The following SLC28A3 variants were observed in gnomAD, a reference collection of about 807,000 sequenced individuals.
SLC28A3 encodes solute carrier family 28 member 3.
In SLC28A3, 68 loss-of-function variants were observed where a neutral mutation model predicts 84.2. The ratio of observed to expected loss-of-function variants is 0.81; its 90% confidence interval spans 0.66 to 0.99. The LOEUF is 0.99. Among genes scored for constraint, SLC28A3 ranks in the 50% least tolerant of loss-of-function variants. The pLI is 0.00. For missense variants in SLC28A3, 712 were observed against 841.5 expected, an observed-to-expected ratio of 0.85 and a Z score of 1.90; for synonymous variants, 267 against 303.6, an observed-to-expected ratio of 0.88 and a Z score of 1.25.
At chr9:84,310,738 T>C (rs1004607201) in intron 2 of SLC28A3, among the ~76,000 whole-genome samples, 2 of 152,124 alleles carry the variant, frequency 1.3e-5, no homozygotes, top group Non-Finnish European at 2.9e-5. Flanking sequence ...ACAAGGAAGG[T>C]GTGAGGATAA....
chr9:84,278,325 CA>C lies in SLC28A3; in HGVS notation c.1968del (p.Gly657ValfsTer14). 1.9e-6 allele frequency: 3 copies of C among 1,614,058 alleles called. No homozygotes were observed. The highest frequency in any genetic ancestry group is 2.5e-6 in the Non-Finnish European group (3 of 1,179,982). ...TGGTTTCCTCCTGGGATGACTTCACCAGGACCCTTGGCAACAGTGCTGGTGG... is the reference window on the plus strand; with the variant it reads ...TGGTTTCCTCCTGGGATGACTTCACCGGACCCTTGGCAACAGTGCTGGTGG... Reference protein sequence around the residue: ...SLLSSTVAKGPGEVIPGGNHS... With the variant: ...SLLSSTVAKGXGEVIPGGNHS... On this transcript the variant is annotated frameshift_variant, in exon 18 of 18. Transcript: ENST00000376238. LOFTEE classifies it high-confidence loss of function.
intron 3 of SLC28A3, among the ~76,000 whole-genome samples, chr9:84,309,198 C>T (rs1179329033): frequency 1.3e-5 from 2 of 151,862 alleles, no homozygotes; most frequent in Admixed American, 1.3e-4. Flanking sequence ...TGGGTGGTGA[C>T]AATCTCTAAT....
At position 84,296,604 on chromosome 9, in the gene SLC28A3, G is replaced by A. The variant is rs142218203; in HGVS notation, c.861+617C>T. Among the ~76,000 whole-genome samples the A allele has an allele frequency of 6.0e-3, 918 of 152,334 alleles. 4 individuals are homozygous for A. Among genetic ancestry groups the A allele is most frequent in the Non-Finnish European group, 9.6e-3 (652 of 68,034 alleles). ...TGGGGCATGTGGGAGCCTCAAGAAG[G>A]AACTGACTGTGGCCAGCCATGGGGC... On this transcript the variant is annotated intron_variant, in intron 8 of 17. Transcript: ENST00000376238.
chr9:84,348,338 A>C, the SLC28A3 span, among the ~76,000 whole-genome samples: 128 of 127,756 alleles, frequency 1.0e-3, no homozygotes, highest in African/African-American at 3.8e-3. Flanking sequence ...TGAGTGACGG[A>C]GCAAGACTCC....
At chr9:84,283,533 A>G (rs1261419313) in intron 14 of SLC28A3, among the ~76,000 whole-genome samples, 4 of 152,270 alleles carry the variant, frequency 2.6e-5, no homozygotes, top group African/African-American at 9.6e-5. Context: ...CAGGGAGAAG[A>G]GGTCCAGAGA....
intron 14 of SLC28A3, among the ~76,000 whole-genome samples, chr9:84,282,785 T>C (rs529438872): frequency 6.6e-6 from 1 of 152,294 alleles, no homozygotes; most frequent in East Asian, 1.9e-4. Flanking sequence ...CAAAACCCTA[T>C]GATTTTGTTC....
chr9:84,335,108 C>A (rs1165335476), intron 1 of SLC28A3, among the ~76,000 whole-genome samples: 1 of 152,188 alleles, frequency 6.6e-6, no homozygotes, highest in Admixed American at 6.5e-5. Context: ...CTTCTGAGCT[C>A]CAGGTGAACG....
upstream of SLC28A3, among the ~76,000 whole-genome samples, chr9:84,342,633 G>A (rs1405977759): frequency 1.3e-5 from 2 of 149,130 alleles, no homozygotes; most frequent in African/African-American, 5.0e-5. Flanking sequence ...GCCCAGACTT[G>A]TCTTGAACTC....
chr9:84,290,389 G>T, intron 10 of SLC28A3, 110 bp from the exon 11 acceptor site: 1 of 1,363,290 alleles, frequency 7.3e-7, no homozygotes, highest in East Asian at 2.4e-5. Context: ...GTTTCTAAGA[G>T]TGAACCTCAG....
rs372301648 is a variant in SLC28A3 at position 84,286,057 on chromosome 9, G to A, written c.1335C>T (p.Ser445=). The A allele has an allele frequency of 1.2e-6, 2 of 1,614,096 alleles. No individual in the cohort carries two copies. Residue 445 remains serine (S), a synonymous_variant, in exon 13 of 18, where the codon TCC becomes TCT. Transcript: ENST00000376238. ...AATQGASSSI[S]LVANIAVNLI... ...GATTCACAGCGATGTTGGCCACCAG[G>A]GAGATGGAGGAGGATGCTCCCTGTG...
At chr9:84,309,546 A>AAT in intron 3 of SLC28A3, 83 bp downstream of exon 3, 1 of 827,972 alleles carries the variant, frequency 1.2e-6, no homozygotes, top group Non-Finnish European at 1.8e-6. Context: ...AAAAAAAAAA[A>AAT]AAGAAATCAA....
the SLC28A3 span, among the ~76,000 whole-genome samples, chr9:84,358,200 C>T: frequency 6.6e-6 from 1 of 152,270 alleles, no homozygotes; most frequent in East Asian, 1.9e-4. Context: ...AGCCAGCAAA[C>T]GAGGCATGGG....
At chr9:84,299,225 G>A (rs1451090133) in intron 6 of SLC28A3, among the ~76,000 whole-genome samples, 1 of 152,202 alleles carries the variant, frequency 6.6e-6, no homozygotes, top group Non-Finnish European at 1.5e-5. Flanking sequence ...TCGATGAACT[G>A]CAGGATCCAA....
rs1160565236 is a variant in SLC28A3 at position 84,276,771 on chromosome 9, C to CCAA, written c.*1444_*1446dup. ...CAAAAAACAAAACACACAAAAAACC[C>CCAA]CAACTATTTTCACATAGCTTTTTCT... On this transcript the variant is annotated 3_prime_UTR_variant, in exon 18 of 18. Transcript: ENST00000376238. The CCAA allele has an allele frequency of 6.6e-6, 1 of 152,208 alleles. No homozygotes were observed. Among genetic ancestry groups the CCAA allele is most frequent in the Non-Finnish European group, 1.5e-5 (1 of 68,040 alleles). The allele number at this position is 152,208 out of a possible 1,614,324, so 9.4% of individuals were successfully genotyped here.
At chr9:84,346,879 A>G in the SLC28A3 span, among the ~76,000 whole-genome samples, 1 of 152,140 alleles carries the variant, frequency 6.6e-6, no homozygotes, top group Non-Finnish European at 1.5e-5. Flanking sequence ...CACTTTAGTG[A>G]GAATCTTGGG....
At chr9:84,353,716 C>G in the SLC28A3 span, among the ~76,000 whole-genome samples, 1 of 152,048 alleles carries the variant, frequency 6.6e-6, no homozygotes, top group Admixed American at 6.6e-5. Flanking sequence ...TCTCCAAAAA[C>G]AAAAATTATA....
At chr9:84,332,797 C>G (rs907773637) in intron 1 of SLC28A3, among the ~76,000 whole-genome samples, 6 of 152,112 alleles carry the variant, frequency 3.9e-5, no homozygotes, top group African/African-American at 1.4e-4. Flanking sequence ...GAAAGAGAAG[C>G]AACGTTTCCT....
chr9:84,326,464 T>C (rs1451514013), intron 1 of SLC28A3, among the ~76,000 whole-genome samples: 4 of 152,192 alleles, frequency 2.6e-5, no homozygotes, highest in African/African-American at 4.8e-5. Context: ...AGAGCATTTT[T>C]CTGAAACCTC....
intron 5 of SLC28A3, 101 bp from the exon 6 acceptor site, chr9:84,299,826 TC>T: frequency 7.4e-7 from 1 of 1,348,220 alleles, no homozygotes; most frequent in Non-Finnish European, 9.9e-7. Flanking sequence ...GGAGTCTTGC[TC>T]TGTTGCCCAG....
Sources: allele counts gnomAD v4.1 joint callset (sites outside exome capture counted in the v4.1 genomes callset), GRCh38; gene constraint gnomAD v4.1.1; transcripts MANE v1.5; gene names NCBI Gene and HGNC (gene_info 2026-07-23, HGNC 2026-07-21).